The following PCED1B variants were observed in gnomAD, a reference collection of about 807,000 sequenced individuals.
PCED1B encodes PC-esterase domain containing 1B.
For synonymous variants in PCED1B, 251 were observed against 246.1 expected, an observed-to-expected ratio of 1.02 and a Z score of -0.19; for missense variants, 573 against 573.9, an observed-to-expected ratio of 1.00 and a Z score of 0.02.
intron 2 of PCED1B, among the ~76,000 whole-genome samples, chr12:47,155,425 G>A (rs1941161057): frequency 6.6e-6 from 1 of 152,186 alleles, no homozygotes; most frequent in Non-Finnish European, 1.5e-5. Context: ...GATGAAATAT[G>A]ATATGTAAAT....
At chr12:47,166,324 A>C (rs1019938273) in intron 2 of PCED1B, among the ~76,000 whole-genome samples, 1 of 152,032 alleles carries the variant, frequency 6.6e-6, no homozygotes, top group Non-Finnish European at 1.5e-5. Flanking sequence ...TCACTCCCTC[A>C]TTCTCCCTTT....
At position 47,230,624 on chromosome 12, in the gene PCED1B, T is replaced by C. The variant is rs373159625; in HGVS notation, c.-57-4383T>C. ...GCCTGGCTAATTTTTGTATTTTTCG[T>C]AGAGACAGGATTTCACCATTTTGGC... On this transcript the variant is annotated intron_variant, in intron 3 of 3. Coordinates refer to ENST00000546455, the MANE Select transcript of PCED1B (RefSeq NM_138371.3). Among the ~76,000 whole-genome samples the C allele has an allele frequency of 2.7e-4, 41 of 152,080 alleles. 1 individual carries two copies. In the East Asian group the frequency reaches 6.2e-3, roughly 23 times the overall value.
intron 2 of PCED1B, among the ~76,000 whole-genome samples, chr12:47,175,762 G>A (rs903571577): frequency 2.0e-5 from 3 of 151,868 alleles, no homozygotes; most frequent in African/African-American, 7.3e-5. Flanking sequence ...AGTAGAGATA[G>A]GGTTTCACCA....
chr12:47,121,416 A>G (rs972971969), intron 2 of PCED1B, among the ~76,000 whole-genome samples: 1 of 152,236 alleles, frequency 6.6e-6, no homozygotes, highest in African/African-American at 2.4e-5. Context: ...GATCTTAAAA[A>G]AATGAAAACT....
At chr12:47,146,679 CTT>C in intron 2 of PCED1B, among the ~76,000 whole-genome samples, 1 of 152,002 alleles carries the variant, frequency 6.6e-6, no homozygotes, top group Admixed American at 6.5e-5. Flanking sequence ...AAGGTATGTA[CTT>C]TTTTTTAGAT....
intron 2 of PCED1B, among the ~76,000 whole-genome samples, chr12:47,214,001 C>T (rs895630028): frequency 6.6e-6 from 1 of 152,184 alleles, no homozygotes; most frequent in African/African-American, 2.4e-5. Flanking sequence ...CTGAAATCTA[C>T]AGAACTAGAA....
intron 2 of PCED1B, among the ~76,000 whole-genome samples, chr12:47,145,911 A>G (rs568185047): frequency 1.3e-5 from 2 of 152,338 alleles, no homozygotes; most frequent in East Asian, 3.9e-4. Context: ...AAGTCTTGTC[A>G]TTTAAGAAAT....
intron 2 of PCED1B, among the ~76,000 whole-genome samples, chr12:47,204,478 C>T (rs1942859031): frequency 6.6e-6 from 1 of 152,150 alleles, no homozygotes; most frequent in African/African-American, 2.4e-5. Flanking sequence ...CTTCCTGATA[C>T]TCTTCCATGT....
intron 2 of PCED1B, among the ~76,000 whole-genome samples, chr12:47,148,127 G>A (rs946529658): frequency 1.3e-5 from 2 of 152,206 alleles, no homozygotes; most frequent in Admixed American, 6.5e-5. Flanking sequence ...GAGGGCAAGA[G>A]CAACAAACAG....
rs11183791 is a variant in PCED1B at position 47,199,449 on chromosome 12, A to G, written c.-525-16773A>G. ...CCCAGAATAGCCAACATAATATTGT[A>G]AAAAACAGAAGTGAAAGACTGACAC... On this transcript the variant is annotated intron_variant, in intron 2 of 3. Transcript: ENST00000546455. Among the ~76,000 whole-genome samples, 1,642 of 152,324 alleles carry G rather than the reference A, an allele frequency of 0.011. 82 individuals are homozygous for G. In the East Asian group the frequency reaches 0.15, roughly 14 times the overall value.
chr12:47,107,834 T>G (rs1362857269), intron 2 of PCED1B, among the ~76,000 whole-genome samples: 1 of 152,152 alleles, frequency 6.6e-6, no homozygotes, highest in African/African-American at 2.4e-5. Context: ...ATGTCTTAAT[T>G]CCCAAAACTT....
chr12:47,234,516 G>A (rs991290381), intron 3 of PCED1B, among the ~76,000 whole-genome samples: 4 of 152,210 alleles, frequency 2.6e-5, no homozygotes, highest in African/African-American at 9.6e-5. Flanking sequence ...AAGTGATGGG[G>A]CATTCAGTAT....
intron 2 of PCED1B, among the ~76,000 whole-genome samples, chr12:47,170,773 A>G (rs1041325813): frequency 2.0e-5 from 3 of 152,216 alleles, no homozygotes; most frequent in African/African-American, 7.2e-5. Flanking sequence ...TAGCCCATTC[A>G]TGTTAAGTAT....
rs1010929469 is a variant in PCED1B at position 47,100,252 on chromosome 12, G to C, written c.-608-3861G>C. ...GTCATATATGGAAAGAAAAGAAAAT[G>C]ATGTTTTTGGCATGCTTGGATCTCT... On this transcript the variant is annotated intron_variant, in intron 1 of 3. Transcript: ENST00000546455. Among the ~76,000 whole-genome samples the C allele has an allele frequency of 2.6e-5, 4 of 152,304 alleles. No individual in the cohort carries two copies. The South Asian group carries it at 8.3e-4, about 32-fold the overall frequency.
At chr12:47,209,676 C>T (rs769613234) in intron 2 of PCED1B, 1 of 152,146 alleles carries the variant, frequency 6.6e-6, no homozygotes, top group East Asian at 1.9e-4. Flanking sequence ...AATCCAGATG[C>T]CTTATCAATT....
intron 3 of PCED1B, among the ~76,000 whole-genome samples, chr12:47,217,990 G>A (rs933258887): frequency 5.3e-5 from 8 of 152,164 alleles, no homozygotes; most frequent in Non-Finnish European, 1.2e-4. Context: ...TAAGTTAAAT[G>A]CTTCATTTAA....
rs144012190 is a variant in PCED1B, at chr12:47,231,080, C to T, written c.-57-3927C>T. On this transcript the variant is annotated intron_variant, in intron 3 of 3. Coordinates refer to ENST00000546455, the MANE Select transcript of PCED1B (RefSeq NM_138371.3). ...CAAACCCAGGTAGTATGATTCCAAA[C>T]GCAATGCTCTTTGCTAATACTCTGT... Among the ~76,000 whole-genome samples, 1,210 of 152,196 alleles carry T rather than the reference C, an allele frequency of 8.0e-3. 24 individuals are homozygous for T. The highest frequency in any genetic ancestry group is 0.024 in the African/African-American group (985 of 41,536).
At chr12:47,136,969 T>C (rs1374477848) in intron 2 of PCED1B, among the ~76,000 whole-genome samples, 2 of 152,208 alleles carry the variant, frequency 1.3e-5, no homozygotes, top group African/African-American at 4.8e-5. Context: ...TTCTGTTTTC[T>C]CATCTATAAA....
Position 47,230,791 on chromosome 12 carries a change from G to A in PCED1B, c.-57-4216G>A, listed in dbSNP as rs1344517689. On this transcript the variant is annotated intron_variant, in intron 3 of 3. Transcript: ENST00000546455. ...AGTAATGTGTTCAGTGTAACTTGGA[G>A]CATCATGTTGGCTCTCAAAAAGTTT... Among the ~76,000 whole-genome samples, 3 of 152,178 alleles carry A rather than the reference G, an allele frequency of 2.0e-5. No homozygotes were observed. The East Asian group carries it at 5.8e-4, about 29-fold the overall frequency.
Sources: gnomAD v4.1 joint callset for allele counts (sites outside exome capture counted in the v4.1 genomes callset) on GRCh38, gnomAD v4.1.1 for gene constraint, MANE v1.5 for transcripts, NCBI Gene and HGNC (gene_info 2026-07-23, HGNC 2026-07-21) for gene names.